The following DNAH10 variants were observed in gnomAD, a reference collection of about 807,000 sequenced individuals.
The protein encoded by DNAH10 is axonemal beta dynein heavy chain 10.
DNAH10 carries 348 observed loss-of-function variants against 506.6 expected under a neutral mutation model. The observed-to-expected ratio is 0.69, with a 90% CI of 0.63 to 0.75. The LOEUF is 0.75. Among genes scored for constraint, DNAH10 ranks in the 30% least tolerant of loss-of-function variants. The probability of loss-of-function intolerance (pLI) is 0.00; values close to 1 mark genes in which losing one functional copy is unlikely to be tolerated. For synonymous variants in DNAH10, 2,059 were observed against 2,198.6 expected, an observed-to-expected ratio of 0.94 and a Z score of 1.78; for missense variants, 5,179 against 5,787.1, an observed-to-expected ratio of 0.89 and a Z score of 3.41.
At chr12:123,803,922 G>T (rs1958564393) in intron 17 of DNAH10, 97 bp downstream of exon 17, 2 of 1,156,796 alleles carry the variant, frequency 1.7e-6, no homozygotes, top group Non-Finnish European at 2.4e-6. Flanking sequence ...ATATACATAT[G>T]TATTTGTATG....
chr12:123,814,234 T>G (rs1233003981), intron 21 of DNAH10: 2 of 189,340 alleles, frequency 1.1e-5, no homozygotes, highest in Non-Finnish European at 2.1e-5. Context: ...GTGAAAGATT[T>G]AAGATAATAA....
chr12:123,854,562 C>T (rs7135087), intron 36 of DNAH10, among the ~76,000 whole-genome samples: 2,105 of 152,208 alleles, frequency 0.014, 33 homozygotes, highest in African/African-American at 0.038. Context: ...TTGCAAATAC[C>T]GAATATCCAA....
In DNAH10 at chr12:123,927,602, C is replaced by T. The variant is rs1955004033; in HGVS notation, c.12105+782C>T. ...CAGTGCTCCCTGCTAGAACTTGCTA[C>T]ACAAGTTCAGTACAATGTGGGACAA... On this transcript the variant is annotated intron_variant, in intron 69 of 78. Transcript: ENST00000673944. The T allele has an allele frequency of 2.0e-5, 3 of 152,392 alleles. No individual in the cohort carries two copies. In the South Asian group the frequency reaches 6.2e-4, roughly 32 times the overall value. The allele number at this position is 152,392 out of a possible 1,614,324, so 9.4% of individuals were successfully genotyped here.
intron 28 of DNAH10, among the ~76,000 whole-genome samples, chr12:123,837,276 G>A (rs1234397589): frequency 6.6e-6 from 1 of 150,886 alleles, no homozygotes; most frequent in Non-Finnish European, 1.5e-5. Context: ...CCCAGGAGGT[G>A]AAGGTTGCAG....
intron 1 of DNAH10, among the ~76,000 whole-genome samples, chr12:123,765,419 T>TTAA (rs1317800187): frequency 5.3e-5 from 8 of 152,186 alleles, no homozygotes; most frequent in Admixed American, 5.2e-4. Flanking sequence ...GCCCCAGTCC[T>TTAA]GCTCTTATTC....
At position 123,899,033 on chromosome 12, in the gene DNAH10, C is replaced by T. The variant is rs539461640; in HGVS notation, c.9640+219C>T. Among the ~76,000 whole-genome samples the T allele has an allele frequency of 1.5e-4, 23 of 152,318 alleles. No individual in the cohort carries two copies. The South Asian group carries it at 4.6e-3, about 30-fold the overall frequency. On this transcript the variant is annotated intron_variant, in intron 56 of 78. Transcript: ENST00000673944. Reference sequence around the variant, plus strand: ...AGCCAGTCTTGTCCCCTTTCATAAGCACTGAGAAGCTACCATATGTAGGCC... The same window carrying T: ...AGCCAGTCTTGTCCCCTTTCATAAGTACTGAGAAGCTACCATATGTAGGCC...
Position 123,820,578 on chromosome 12 carries a change from A to C in DNAH10, c.4001-2A>C. 3.7e-6 allele frequency: 6 copies of C among 1,612,480 alleles called. No individual in the cohort carries two copies. Among genetic ancestry groups the C allele is most frequent in the African/African-American group, 1.3e-5 (1 of 74,850 alleles). ...TCACTCATCGGTGTATTTATTTACT[A>C]GGAGTAGAGCTTTTAGGTGTTTATG... On this transcript the variant is annotated splice_acceptor_variant, in intron 23 of 78. Transcript: ENST00000673944. LOFTEE classifies it high-confidence loss of function.
chr12:123,787,266 GTCTA>G lies in DNAH10; in HGVS notation c.1422-532_1422-529del, dbSNP rs1267338613. Among the ~76,000 whole-genome samples, 3 of 151,956 alleles carry G rather than the reference GTCTA, an allele frequency of 2.0e-5. No individual in the cohort carries two copies. Among genetic ancestry groups the G allele is most frequent in the Non-Finnish European group, 4.4e-5 (3 of 67,996 alleles). ...TCCATCTATACAGATAGGTATCTAT[GTCTA>G]TCTATGTATATGTATTTATATAGAT... On this transcript the variant is annotated intron_variant, in intron 9 of 78. Transcript: ENST00000673944. The surrounding 1 kb of genome is among the most constrained non-coding windows in gnomAD (Gnocchi z 4.6).
Position 123,924,343 on chromosome 12 carries a change from G to A in DNAH10, c.11677G>A (p.Glu3893Lys). 1.9e-6 allele frequency: 3 copies of A among 1,613,638 alleles called. No individual in the cohort carries two copies. The highest frequency in any genetic ancestry group is 2.5e-6 in the Non-Finnish European group (3 of 1,179,688). Residue 3893 changes from glutamate to lysine, a missense_variant, in exon 67 of 79, where the codon GAA becomes AAA. This residue lies in a region of DNAH10 where 4,844 missense variants were observed against 5,430.5 expected (regional missense o/e 0.89). Transcript: ENST00000673944. ...PCAWLSDQGWEDIILLSEMFS... is the reference protein window; with the variant it reads ...PCAWLSDQGWKDIILLSEMFS... ...CGCTTGGTTGTCTGACCAAGGATGG[G>A]AAGATATCATTCTTTTATCAGAAAT... is the stretch of plus-strand genomic sequence containing the variant.
chr12:123,790,175 G>C, intron 11 of DNAH10, 54 bp downstream of exon 11: 1 of 1,553,456 alleles, frequency 6.4e-7, no homozygotes, highest in East Asian at 2.3e-5. Context: ...TGTTTTCTCT[G>C]TGTTAAATTT....
intron 47 of DNAH10, 35 bp downstream of exon 47, chr12:123,875,526 G>A (rs751123336): frequency 6.2e-7 from 1 of 1,609,764 alleles, no homozygotes; most frequent in East Asian, 2.2e-5. Context: ...TAAACCGGAA[G>A]ACCTTGTGTT....
chr12:123,819,174 C>T lies in DNAH10; in HGVS notation c.3924C>T (p.Tyr1308=), dbSNP rs914028719. 1.2e-6 allele frequency: 2 copies of T among 1,613,484 alleles called. No individual in the cohort carries two copies. The highest frequency in any genetic ancestry group is 1.7e-6 in the Non-Finnish European group (2 of 1,179,758). Residue 1308 remains tyrosine, a synonymous_variant, in exon 23 of 79, where the codon TAC becomes TAT. Transcript: ENST00000673944. ...TTACTCGAGGCGAAATAATGAACTA[C>T]AGAGTTCAGATAGAGGAGTTTGCAA... ...TELTRGEIMN[Y]RVQIEEFAKR... is the part of the protein sequence containing the mutation.
At chr12:123,859,063 A>G (rs1255047886) in intron 37 of DNAH10, 87 bp from the exon 38 acceptor site, 3 of 1,243,712 alleles carry the variant, frequency 2.4e-6, no homozygotes, top group African/African-American at 1.5e-5. Flanking sequence ...TCAAAGGTAA[A>G]TTGTATGGCG....
chr12:123,830,372 G>A (rs1960414375), intron 25 of DNAH10, among the ~76,000 whole-genome samples, 174 bp from the exon 26 acceptor site: 1 of 152,162 alleles, frequency 6.6e-6, no homozygotes, highest in South Asian at 2.1e-4. Flanking sequence ...AACTCTGGAG[G>A]CCAGTGGGAT....
chr12:123,826,606 A>C (rs1960017775), intron 24 of DNAH10, 81 bp from the exon 25 acceptor site: 1 of 1,280,540 alleles, frequency 7.8e-7, no homozygotes, highest in African/African-American at 1.5e-5. Context: ...TCTGAACGTG[A>C]CTAAGAGTCA....
In DNAH10 at chr12:123,846,119, C is replaced by A; in HGVS notation, c.5779C>A (p.Pro1927Thr). 3 of 1,613,820 alleles carry A rather than the reference C, an allele frequency of 1.9e-6. No homozygotes were observed. Among genetic ancestry groups the A allele is most frequent in the Non-Finnish European group, 2.5e-6 (3 of 1,179,864 alleles). ...CCTGAACGGCAGGCTGGTCATCACG[C>A]CCCTCACCGATCGGATTTACCTGAC... ...MGLNGRLVIT[P>T]LTDRIYLTLT... is the part of the protein sequence containing the mutation. Residue 1927 changes from proline (P) to threonine (T), a missense_variant, in exon 32 of 79, where the codon CCC (proline) becomes ACC (threonine). Pro to Thr is a conservative substitution (Grantham distance 38, BLOSUM62 -1). Transcript: ENST00000673944. The surrounding 1 kb of genome is among the most constrained non-coding windows in gnomAD (Gnocchi z 4.5).
rs1461068210 is a variant in DNAH10, at chr12:123,819,053, G to T, written c.3884G>T (p.Arg1295Ile). ...GAGCATGCTCTTGGGGACATAAAGA[G>T]AACTTTCACAGAGGTACCTTTTAAA... The part of the protein sequence containing the change: ...NVEHALGDIK[R>I]TFTELTRGEI... The change falls in exon 22 of 79, where the codon AGA becomes ATA. Residue 1295 changes from arginine to isoleucine, a missense_variant. By Grantham distance (97) the Arg-to-Ile change is moderately conservative. Transcript: ENST00000673944. The T allele has an allele frequency of 6.2e-7, 1 of 1,602,880 alleles. No homozygotes were observed. The highest frequency in any genetic ancestry group is 8.5e-7 in the Non-Finnish European group (1 of 1,174,198).
chr12:123,767,037 C>T (rs1387169293), intron 1 of DNAH10, among the ~76,000 whole-genome samples: 1 of 151,702 alleles, frequency 6.6e-6, no homozygotes. Context: ...TCCCAAGTAG[C>T]TGGGATTACA....
At position 123,800,302 on chromosome 12, in the gene DNAH10, T is replaced by TA; in HGVS notation, c.2378dup (p.Asn793LysfsTer2). The TA allele has an allele frequency of 6.2e-7, 1 of 1,614,160 alleles. No individual in the cohort carries two copies. On this transcript the variant is annotated frameshift_variant, in exon 15 of 79. Coordinates refer to ENST00000673944, the MANE Select transcript of DNAH10 (RefSeq NM_001372106.1). LOFTEE classifies it high-confidence loss of function. Reference sequence around the variant, plus strand: ...TTTCACCGGCTCTCAGAGAGATTATTAATGAAACAAAGTACTTAGAGCAGC... The same window carrying TA: ...TTTCACCGGCTCTCAGAGAGATTATTAAATGAAACAAAGTACTTAGAGCAGC...
Sources: allele counts gnomAD v4.1 joint callset (sites outside exome capture counted in the v4.1 genomes callset), GRCh38; gene constraint gnomAD v4.1.1; regional missense constraint gnomAD v4.1.1; non-coding constraint Gnocchi (gnomAD v3.1); transcripts MANE v1.5; gene names NCBI Gene and HGNC (gene_info 2026-07-23, HGNC 2026-07-21).